The following ASH1L variants were observed in gnomAD, a reference collection of about 807,000 sequenced individuals.
ASH1L encodes the protein ASH1 like histone lysine methyltransferase.
In ASH1L, 23 loss-of-function variants were observed where a neutral mutation model predicts 269.0. That is an observed-to-expected ratio of 0.09 (90% CI 0.06 to 0.12). The LOEUF (loss-of-function observed/expected upper bound fraction) is 0.12, where lower values mean the gene tolerates loss of function less well. ASH1L is among the 10% of genes least tolerant of loss of function. The pLI is 1.00. For missense variants in ASH1L, 2,912 were observed against 3,567.8 expected, an observed-to-expected ratio of 0.82 and a Z score of 4.68; for synonymous variants, 1,187 against 1,253.5, an observed-to-expected ratio of 0.95 and a Z score of 1.12.
chr1:155,555,843 T>C (rs979306633), intron 1 of ASH1L, among the ~76,000 whole-genome samples: 1 of 152,300 alleles, frequency 6.6e-6, no homozygotes, highest in Non-Finnish European at 1.5e-5. Flanking sequence ...AACCTAACTA[T>C]GAAGGAGTAA....
intron 10 of ASH1L, among the ~76,000 whole-genome samples, chr1:155,373,083 T>C (rs542704969): frequency 6.6e-6 from 1 of 151,976 alleles, no homozygotes; most frequent in Non-Finnish European, 1.5e-5. Context: ...CGTGGTGGTA[T>C]GTGCCTATAG....
chr1:155,509,457 T>C (rs546585664), intron 2 of ASH1L, among the ~76,000 whole-genome samples: 2 of 152,162 alleles, frequency 1.3e-5, no homozygotes, highest in African/African-American at 2.4e-5. Context: ...ATTCAGTGTA[T>C]GACAAAGCAG....
chr1:155,524,606 G>A (rs954099380), intron 1 of ASH1L, among the ~76,000 whole-genome samples: 2 of 151,958 alleles, frequency 1.3e-5, no homozygotes, highest in African/African-American at 2.4e-5. Context: ...ACTAAAGTGG[G>A]AGGATCGCTT....
In ASH1L at chr1:155,343,072, T is replaced by C; in HGVS notation, c.8293+242A>G. On this transcript the variant is annotated intron_variant, in intron 24 of 27. Coordinates refer to ENST00000392403, the MANE Select transcript of ASH1L (RefSeq NM_018489.3). The surrounding 1 kb of genome is among the most constrained non-coding windows in gnomAD (Gnocchi z 6.1). Reference sequence around the variant, plus strand: ...TGTTGCACAGGTTGGAGTGCAGTGGTGCGATCTTGGCTCACTGCAACCTCT... The same window carrying C: ...TGTTGCACAGGTTGGAGTGCAGTGGCGCGATCTTGGCTCACTGCAACCTCT... 1 of 406,902 alleles carries C rather than the reference T, an allele frequency of 2.5e-6. No homozygotes were observed. The highest frequency in any genetic ancestry group is 4.4e-6 in the Non-Finnish European group (1 of 227,450). The allele number at this position is 406,902 out of a possible 1,614,324, so 25.2% of individuals were successfully genotyped here.
intron 5 of ASH1L, among the ~76,000 whole-genome samples, chr1:155,435,312 A>G (rs1052042495): frequency 6.6e-6 from 1 of 152,240 alleles, no homozygotes; most frequent in Admixed American, 6.5e-5. Context: ...AGAGCTAAAT[A>G]TAAAAAAGCA....
chr1:155,376,869 A>C (rs1656497153), intron 10 of ASH1L, among the ~76,000 whole-genome samples: 1 of 151,624 alleles, frequency 6.6e-6, no homozygotes, highest in Admixed American at 6.6e-5. Context: ...AAAGAAAAAA[A>C]AAAAATTACA....
intron 2 of ASH1L, among the ~76,000 whole-genome samples, chr1:155,494,157 A>G (rs1448479490): frequency 2.0e-5 from 3 of 152,218 alleles, no homozygotes; most frequent in African/African-American, 2.4e-5. Flanking sequence ...TGAAAACTCA[A>G]TTGTGCAGAA....
Position 155,481,454 on chromosome 1 carries a change from C to G in ASH1L, c.1416G>C (p.Gln472His), listed in dbSNP as rs560144458. 44 of 1,613,882 alleles carry G rather than the reference C, an allele frequency of 2.7e-5. No homozygotes were observed. Among genetic ancestry groups the G allele is most frequent in the Non-Finnish European group, 3.7e-5 (44 of 1,179,964 alleles). ...ACTTTTCCAATATGCTTTCTTTATT[C>G]TGCCGTACAACATTCTTTTCAAAAG... Reference protein sequence around the residue: ...SKTFEKNVVRQNKESILEKFS... With the variant: ...SKTFEKNVVRHNKESILEKFS... Residue 472 changes from glutamine to histidine, a missense_variant, in exon 3 of 28, where the codon CAG becomes CAC. Coordinates refer to ENST00000392403, the MANE Select transcript of ASH1L (RefSeq NM_018489.3).
intron 15 of ASH1L, among the ~76,000 whole-genome samples, chr1:155,356,656 AAAC>A (rs1164993706): frequency 6.6e-6 from 1 of 151,802 alleles, no homozygotes; most frequent in Non-Finnish European, 1.5e-5. Flanking sequence ...AAAAAAAAAA[AAAC>A]AACAAAAAAC....
At chr1:155,402,399 A>AT (rs753728305) in intron 6 of ASH1L, among the ~76,000 whole-genome samples, 1 of 152,218 alleles carries the variant, frequency 6.6e-6, no homozygotes, top group Non-Finnish European at 1.5e-5. Flanking sequence ...GCACTTTTAG[A>AT]TAAAAAGGTA....
At chr1:155,488,931 A>G (rs1292987086) in intron 2 of ASH1L, among the ~76,000 whole-genome samples, 1 of 152,162 alleles carries the variant, frequency 6.6e-6, no homozygotes, top group Non-Finnish European at 1.5e-5. Flanking sequence ...TATAAATAAT[A>G]CCTTTCATGA....
chr1:155,554,879 C>T (rs192342449), intron 1 of ASH1L, among the ~76,000 whole-genome samples: 3 of 152,220 alleles, frequency 2.0e-5, no homozygotes, highest in Admixed American at 6.5e-5. Flanking sequence ...TGGTGGCTCA[C>T]ACCTGTAATC....
chr1:155,381,724 A>C (rs1656964763), intron 7 of ASH1L, among the ~76,000 whole-genome samples: 1 of 149,312 alleles, frequency 6.7e-6, no homozygotes, highest in Non-Finnish European at 1.5e-5. Context: ...AAAATACAAA[A>C]ATTAGCTGGG....
intron 5 of ASH1L, among the ~76,000 whole-genome samples, chr1:155,423,436 G>A (rs771891214): frequency 9.2e-5 from 14 of 151,842 alleles, no homozygotes; most frequent in Non-Finnish European, 1.8e-4. Flanking sequence ...AAAATTAGCC[G>A]GGTGCGGTGG....
chr1:155,367,299 G>A (rs1051791707), intron 12 of ASH1L, among the ~76,000 whole-genome samples: 1 of 151,976 alleles, frequency 6.6e-6, no homozygotes, highest in Non-Finnish European at 1.5e-5. Flanking sequence ...GCCTTGTAAT[G>A]GTTTTTAAAT....
At chr1:155,408,946 G>C (rs191263772) in intron 6 of ASH1L, among the ~76,000 whole-genome samples, 1 of 150,722 alleles carries the variant, frequency 6.6e-6, no homozygotes, top group Non-Finnish European at 1.5e-5. Context: ...GAGAGTTTAC[G>C]GAGAAAAAAA....
At chr1:155,448,877 T>C (rs764452882) in intron 4 of ASH1L, among the ~76,000 whole-genome samples, 32 of 152,192 alleles carry the variant, frequency 2.1e-4, no homozygotes, top group Non-Finnish European at 3.8e-4. Flanking sequence ...GATAGATCTT[T>C]GGTGTTTAAT....
At chr1:155,446,085 T>C (rs1194595686) in intron 4 of ASH1L, among the ~76,000 whole-genome samples, 3 of 148,942 alleles carry the variant, frequency 2.0e-5, no homozygotes, top group Non-Finnish European at 4.5e-5. Flanking sequence ...GGTTTCACCA[T>C]GTTGGCCAGG....
intron 2 of ASH1L, among the ~76,000 whole-genome samples, chr1:155,498,308 G>A (rs573420242): frequency 1.3e-4 from 20 of 151,908 alleles, no homozygotes; most frequent in African/African-American, 4.8e-4. Flanking sequence ...AGAGAAGAAC[G>A]GATGGTGAGG....
Sources: gnomAD v4.1 joint callset for allele counts (sites outside exome capture counted in the v4.1 genomes callset) on GRCh38, gnomAD v4.1.1 for gene constraint, Gnocchi (gnomAD v3.1) non-coding constraint, MANE v1.5 for transcripts, NCBI Gene and HGNC (gene_info 2026-07-23, HGNC 2026-07-21) for gene names.